Variants in SPICE1 observed in about 807,000 individuals in gnomAD.
SPICE1 encodes the protein spindle and centriole-associated protein 1.
SPICE1 carries 75 observed loss-of-function variants against 102.7 expected under a neutral mutation model. That is an observed-to-expected ratio of 0.73 (90% CI 0.61 to 0.88). SPICE1 has a LOEUF of 0.88. Among genes scored for constraint, SPICE1 ranks in the 40% least tolerant of loss-of-function variants. SPICE1 has a pLI of 0.00. For missense variants in SPICE1, 979 were observed against 1,020.1 expected, an observed-to-expected ratio of 0.96 and a Z score of 0.55; for synonymous variants, 308 against 350.3, an observed-to-expected ratio of 0.88 and a Z score of 1.35.
intron 14 of SPICE1, among the ~76,000 whole-genome samples, chr3:113,452,180 GT>G (rs1246819566): frequency 1.3e-5 from 2 of 152,158 alleles, no homozygotes; most frequent in Admixed American, 1.3e-4. Flanking sequence ...AGCCCACAAA[GT>G]TTATTTAACT....
chr3:113,463,985 G>A (rs1006417829), intron 11 of SPICE1, among the ~76,000 whole-genome samples: 51 of 152,026 alleles, frequency 3.4e-4, no homozygotes, highest in Admixed American at 1.8e-3. Flanking sequence ...GGAGAATGGC[G>A]TGAACACGAG....
At position 113,465,691 on chromosome 3, in the gene SPICE1, C is replaced by G. The variant is rs746456180; in HGVS notation, c.1249G>C (p.Glu417Gln). The change falls in exon 11 of 18, where the codon GAA becomes CAA. Residue 417 changes from glutamate to glutamine, a missense_variant. Transcript: ENST00000295872. ...HRELIDALTA[E>Q]ILRLREENAA... ...TTTTCTTCTCTAAGACGAAGAATTT[C>G]AGCTGTCAGAGCATCAATGAGCTCT... 5 of 1,613,930 alleles carry G rather than the reference C, an allele frequency of 3.1e-6. No homozygotes were observed. In the Admixed American group the frequency reaches 8.3e-5, roughly 27 times the overall value.
Position 113,483,589 on chromosome 3 carries a change from G to A in SPICE1, c.611+5356C>T, listed in dbSNP as rs187376670. Among the ~76,000 whole-genome samples, 43 of 152,032 alleles carry A rather than the reference G, an allele frequency of 2.8e-4. No individual in the cohort carries two copies. The East Asian group carries it at 8.3e-3, about 29-fold the overall frequency. On this transcript the variant is annotated intron_variant, in intron 7 of 17. Transcript: ENST00000295872. The stretch of plus-strand genomic sequence containing the variant: ...GTTTATTGAATTTTTAGCATGAAGG[G>A]GTGTTGAATTTTGTCAAAGGCCTTT...
At chr3:113,499,043 T>C (rs1301855939) in intron 4 of SPICE1, 1 of 153,680 alleles carries the variant, frequency 6.5e-6, no homozygotes, top group Non-Finnish European at 1.4e-5. Context: ...TAAGAAAAGA[T>C]TGTGCTAATC....
chr3:113,479,004 T>C (rs546294385), intron 7 of SPICE1, among the ~76,000 whole-genome samples: 4 of 152,286 alleles, frequency 2.6e-5, no homozygotes, highest in South Asian at 2.1e-4. Flanking sequence ...CTTTAAGTTT[T>C]AGCGTACATG....
intron 13 of SPICE1, among the ~76,000 whole-genome samples, chr3:113,455,243 T>C (rs1935754135): frequency 6.6e-6 from 1 of 151,912 alleles, no homozygotes; most frequent in African/African-American, 2.4e-5. Flanking sequence ...GAATGGGAGA[T>C]CAGAAAATGA....
chr3:113,485,577 G>T (rs552171188), intron 7 of SPICE1, among the ~76,000 whole-genome samples: 1 of 152,152 alleles, frequency 6.6e-6, no homozygotes, highest in Non-Finnish European at 1.5e-5. Flanking sequence ...AGCAGCCCCA[G>T]TCAGGGACTT....
intron 11 of SPICE1, among the ~76,000 whole-genome samples, chr3:113,462,765 C>G (rs1204149319): frequency 6.6e-6 from 1 of 152,090 alleles, no homozygotes; most frequent in South Asian, 2.1e-4. Flanking sequence ...GGCACGCGAC[C>G]CAAGAAAGGG....
intron 7 of SPICE1, among the ~76,000 whole-genome samples, chr3:113,488,023 GT>G (rs1288234484): frequency 3.9e-5 from 6 of 151,900 alleles, no homozygotes; most frequent in East Asian, 3.9e-4. Flanking sequence ...AAGATTCCAG[GT>G]TTTTTTTAAA....
chr3:113,459,394 A>C, intron 12 of SPICE1: 1 of 865,074 alleles, frequency 1.2e-6, no homozygotes, highest in Non-Finnish European at 1.4e-6. Flanking sequence ...CTCTCCGAGA[A>C]ACACCCAAGA....
Position 113,506,578 on chromosome 3 carries a change from C to G in SPICE1, c.28G>C (p.Gly10Arg), listed in dbSNP as rs751178297. 1.9e-6 allele frequency: 3 copies of G among 1,613,028 alleles called. No homozygotes were observed. The South Asian group carries it at 3.3e-5, about 18-fold the overall frequency. The change falls in exon 2 of 18, where the codon GGT becomes CGT. Residue 10 changes from glycine (G) to arginine (R), a missense_variant. Coordinates refer to ENST00000295872, the MANE Select transcript of SPICE1 (RefSeq NM_144718.4). ...GTCTTTCTTACACCAACTCGGGGACCACAGCGGTTCACTCTGACAAATGAC... is the reference window on the plus strand; with the variant it reads ...GTCTTTCTTACACCAACTCGGGGACGACAGCGGTTCACTCTGACAAATGAC... MSFVRVNRC[G>R]PRVGVRKTPK...
At chr3:113,449,250 C>A (rs74463783) in intron 15 of SPICE1, 1 of 152,162 alleles carries the variant, frequency 6.6e-6, no homozygotes, top group Admixed American at 6.5e-5. Context: ...TTGTTGCCTG[C>A]TCCCCTACTC....
chr3:113,469,101 CTT>C lies in SPICE1; in HGVS notation c.747_748del (p.Arg250SerfsTer19). The C allele has an allele frequency of 6.2e-7, 1 of 1,611,130 alleles. No individual in the cohort carries two copies. The highest frequency in any genetic ancestry group is 2.2e-5 in the East Asian group (1 of 44,834). ...AATAATGCAAAAGGGAAACAAACCTCTTTGCTCCCCTGATGAAAGAGCAGATG... is the reference window on the plus strand; with the variant it reads ...AATAATGCAAAAGGGAAACAAACCTCTGCTCCCCTGATGAAAGAGCAGATG... On this transcript the variant is annotated frameshift_variant, in exon 8 of 18. Transcript: ENST00000295872. LOFTEE classifies it high-confidence loss of function.
At position 113,465,783 on chromosome 3, in the gene SPICE1, C is replaced by A. The variant is rs1204419959; in HGVS notation, c.1157G>T (p.Ser386Ile). The A allele has an allele frequency of 6.2e-7, 1 of 1,609,724 alleles. No individual in the cohort carries two copies. Among genetic ancestry groups the A allele is most frequent in the East Asian group, 2.2e-5 (1 of 44,770 alleles). ...LCRLVRYLKESEIQLRKEVET... is the reference protein window; with the variant it reads ...LCRLVRYLKEIEIQLRKEVET... The stretch of plus-strand genomic sequence containing the variant: ...TACTTCTTTACGTAGCTGGATCTCA[C>A]TCTACAAAAAAATATCAAATAAACT... The change falls in exon 11 of 18, where the codon AGT becomes ATT. Residue 386 changes from serine to isoleucine, a missense_variant and splice_region_variant. Coordinates refer to ENST00000295872, the MANE Select transcript of SPICE1 (RefSeq NM_144718.4).
intron 7 of SPICE1, among the ~76,000 whole-genome samples, chr3:113,480,216 T>C (rs1427223628): frequency 6.6e-6 from 1 of 151,724 alleles, no homozygotes; most frequent in Non-Finnish European, 1.5e-5. Flanking sequence ...ACTATGGCAC[T>C]TCCCCACAGA....
At chr3:113,514,410 A>G in intron 1 of SPICE1, 3 of 350,750 alleles carry the variant, frequency 8.6e-6, no homozygotes, top group South Asian at 2.1e-5. Context: ...CCCTTTACCT[A>G]CTTCCTCTAG....
intron 17 of SPICE1, among the ~76,000 whole-genome samples, chr3:113,445,941 T>C (rs1935502243): frequency 6.6e-6 from 1 of 152,162 alleles, no homozygotes; most frequent in Non-Finnish European, 1.5e-5. Flanking sequence ...AAAATTAACT[T>C]TTACAATTTT....
In SPICE1 at chr3:113,493,249, G is replaced by A. The variant is rs752639724; in HGVS notation, c.449C>T (p.Pro150Leu). The change falls in exon 6 of 18, where the codon CCT (proline) becomes CTT (leucine). Residue 150 changes from proline to leucine, a missense_variant. By Grantham distance (98) the Pro-to-Leu change is moderately conservative. Coordinates refer to ENST00000295872, the MANE Select transcript of SPICE1 (RefSeq NM_144718.4). ...CTCATTAAAGATAGATTGGGTGATAGGGTCTTGATTTACCACAATGGGACC... is the reference window on the plus strand; with the variant it reads ...CTCATTAAAGATAGATTGGGTGATAAGGTCTTGATTTACCACAATGGGACC... ...SQGPIVVNQD[P>L]ITQSIFNESV... 6.2e-7 allele frequency: 1 copy of A among 1,612,732 alleles called. No individual in the cohort carries two copies. Among genetic ancestry groups the A allele is most frequent in the Non-Finnish European group, 8.5e-7 (1 of 1,179,532 alleles).
chr3:113,500,757 CAGTT>C (rs1331116326), intron 3 of SPICE1, among the ~76,000 whole-genome samples: 2 of 152,082 alleles, frequency 1.3e-5, no homozygotes, highest in African/African-American at 4.8e-5. Flanking sequence ...AATATTAACT[CAGTT>C]GGGCATAATT....
Sources: allele counts gnomAD v4.1 joint callset (sites outside exome capture counted in the v4.1 genomes callset), GRCh38; gene constraint gnomAD v4.1.1; transcripts MANE v1.5; gene names NCBI Gene and HGNC (gene_info 2026-07-23, HGNC 2026-07-21).